The following CDH18 variants were observed in gnomAD, a reference collection of about 807,000 sequenced individuals.
CDH18 encodes cadherin-18.
A neutral mutation model predicts 67.9 loss-of-function variants in CDH18; 31 were observed. That is an observed-to-expected ratio of 0.46 (90% CI 0.34 to 0.62). The LOEUF is 0.62. Ranked by LOEUF, CDH18 falls within the 20% of genes least tolerant of loss-of-function variation. The pLI is 0.01. For synonymous variants in CDH18, 362 were observed against 347.2 expected (o/e 1.04, Z -0.48); for missense variants, 890 against 975.5 (o/e 0.91, Z 1.17).
intron 2 of CDH18, among the ~76,000 whole-genome samples, chr5:20,170,212 G>T (rs926206656): frequency 6.8e-6 from 1 of 147,732 alleles, no homozygotes; most frequent in East Asian, 2.0e-4. Context: ...AGTGTGTGTT[G>T]TTCCCCTTCC....
chr5:19,600,633 T>A (rs1056285512), intron 6 of CDH18, among the ~76,000 whole-genome samples: 3 of 151,760 alleles, frequency 2.0e-5, no homozygotes. Flanking sequence ...TTCATGAAGG[T>A]CTGTCCATTC....
intron 2 of CDH18, among the ~76,000 whole-genome samples, chr5:20,048,595 G>A (rs919331439): frequency 2.6e-5 from 4 of 151,542 alleles, no homozygotes; most frequent in Admixed American, 6.6e-5. Context: ...ACTTTCAGGC[G>A]GTAATCAAAT....
chr5:19,763,097 A>G (rs1268214943), intron 3 of CDH18, among the ~76,000 whole-genome samples: 1 of 152,138 alleles, frequency 6.6e-6, no homozygotes, highest in Non-Finnish European at 1.5e-5. Flanking sequence ...AGGGCCTGTC[A>G]TGGGGTCTGG....
intron 8 of CDH18, among the ~76,000 whole-genome samples, chr5:19,549,301 T>C (rs770292): frequency 0.11 from 16,382 of 152,034 alleles, 1,317 homozygotes; most frequent in African/African-American, 0.22. Flanking sequence ...CTCACTCCTG[T>C]TCCCACTCTC....
intron 10 of CDH18, among the ~76,000 whole-genome samples, chr5:19,518,850 CT>C (rs934764808): frequency 2.0e-5 from 3 of 152,144 alleles, no homozygotes; most frequent in Non-Finnish European, 4.4e-5. Flanking sequence ...AATAAACTCC[CT>C]TTCATATATA....
Position 20,462,295 on chromosome 5 carries a change from G to A in CDH18, c.-580+113167C>T, listed in dbSNP as rs769189585. On this transcript the variant is annotated intron_variant, in intron 1 of 14. Transcript: ENST00000507958. ...AAATATTGCATGTTCTCATTGATGGGAGCTTAAAAAGTTGATCTCGTGGAA... is the reference window on the plus strand; with the variant it reads ...AAATATTGCATGTTCTCATTGATGGAAGCTTAAAAAGTTGATCTCGTGGAA... Among the ~76,000 whole-genome samples the A allele has an allele frequency of 2.6e-5, 4 of 152,140 alleles. No homozygotes were observed. In the South Asian group the frequency reaches 8.3e-4, roughly 31 times the overall value.
intron 5 of CDH18, among the ~76,000 whole-genome samples, chr5:19,690,437 G>C: frequency 6.6e-6 from 1 of 151,344 alleles, no homozygotes; most frequent in East Asian, 1.9e-4. Flanking sequence ...TATAAGGATA[G>C]AAATAATAAA....
At chr5:20,551,022 T>C (rs1375050893) in intron 1 of CDH18, among the ~76,000 whole-genome samples, 2 of 152,112 alleles carry the variant, frequency 1.3e-5, no homozygotes, top group Admixed American at 6.6e-5. Flanking sequence ...TGAGAACTCA[T>C]CAGCAAGACC....
intron 2 of CDH18, among the ~76,000 whole-genome samples, chr5:20,104,086 A>G (rs772061097): frequency 3.3e-5 from 5 of 150,520 alleles, no homozygotes; most frequent in Non-Finnish European, 7.4e-5. Context: ...ATAGATGATT[A>G]TATATATAGC....
chr5:19,889,769 A>G (rs952336652), intron 2 of CDH18, among the ~76,000 whole-genome samples: 5 of 152,184 alleles, frequency 3.3e-5, no homozygotes, highest in African/African-American at 1.2e-4. Context: ...ATATGGTCAC[A>G]GCCAAAAAAA....
chr5:19,814,458 A>G (rs1158967574), intron 3 of CDH18, among the ~76,000 whole-genome samples: 1 of 151,902 alleles, frequency 6.6e-6, no homozygotes, highest in Admixed American at 6.6e-5. Context: ...TTTGGACTGG[A>G]TGATTATTTG....
intron 1 of CDH18, among the ~76,000 whole-genome samples, chr5:20,271,137 A>C (rs2126664982): frequency 6.6e-6 from 1 of 152,240 alleles, no homozygotes; most frequent in African/African-American, 2.4e-5. Context: ...ACTTAAAATA[A>C]AAGTTAAGTA....
At chr5:19,924,649 A>G (rs1307353477) in intron 2 of CDH18, among the ~76,000 whole-genome samples, 2 of 152,128 alleles carry the variant, frequency 1.3e-5, no homozygotes, top group Non-Finnish European at 2.9e-5. Context: ...AAACAAACAA[A>G]CAAAACAATA....
At chr5:19,670,976 G>A (rs1276022474) in intron 5 of CDH18, among the ~76,000 whole-genome samples, 1 of 151,980 alleles carries the variant, frequency 6.6e-6, no homozygotes, top group Non-Finnish European at 1.5e-5. Context: ...TTAAAAATAG[G>A]AAATGATGAG....
At chr5:20,388,026 C>T (rs902484891) in intron 1 of CDH18, among the ~76,000 whole-genome samples, 2 of 151,818 alleles carry the variant, frequency 1.3e-5, no homozygotes, top group Non-Finnish European at 2.9e-5. Flanking sequence ...GTCTAAAATT[C>T]TCTTTTTTTG....
intron 1 of CDH18, among the ~76,000 whole-genome samples, chr5:20,471,072 C>T (rs1408111908): frequency 1.3e-5 from 2 of 149,054 alleles, no homozygotes; most frequent in African/African-American, 2.6e-5. Flanking sequence ...CTGTGCTTCT[C>T]TATCTCTCTT....
At chr5:20,138,984 C>T (rs978440223) in intron 2 of CDH18, among the ~76,000 whole-genome samples, 1 of 152,086 alleles carries the variant, frequency 6.6e-6, no homozygotes, top group East Asian at 1.9e-4. Context: ...ACATATAGAA[C>T]CAAAAAAGAA....
chr5:20,518,548 T>G (rs1409693630), intron 1 of CDH18, among the ~76,000 whole-genome samples: 1 of 152,196 alleles, frequency 6.6e-6, no homozygotes, highest in African/African-American at 2.4e-5. Flanking sequence ...GGAAGATGTC[T>G]GCCTGACACG....
chr5:19,896,221 T>C (rs916866314), intron 2 of CDH18, among the ~76,000 whole-genome samples: 2 of 151,900 alleles, frequency 1.3e-5, no homozygotes, highest in African/African-American at 2.4e-5. Context: ...TATCAGGGCA[T>C]GGTGGTGGCA....
Sources: gnomAD v4.1 joint callset for allele counts (sites outside exome capture counted in the v4.1 genomes callset) on GRCh38, gnomAD v4.1.1 for gene constraint, MANE v1.5 for transcripts, NCBI Gene and HGNC (gene_info 2026-07-23, HGNC 2026-07-21) for gene names.